Variants in MRPS27 observed in about 807,000 individuals in gnomAD.
The protein encoded by MRPS27 is mitochondrial ribosomal protein S27.
Under a neutral mutation model 48.9 loss-of-function variants are expected in MRPS27, and 43 were observed. The ratio of observed to expected loss-of-function variants is 0.88; its 90% CI spans 0.69 to 1.13. MRPS27 has a LOEUF of 1.13. MRPS27 is among the 50% of genes most tolerant of loss of function. MRPS27 has a pLI of 0.00. For missense variants in MRPS27, 467 were observed against 476.3 expected, an observed-to-expected ratio of 0.98 and a Z score of 0.18; for synonymous variants, 188 against 171.9, an observed-to-expected ratio of 1.09 and a Z score of -0.73.
At chr5:72,303,134 A>C (rs897079884) in intron 2 of MRPS27, among the ~76,000 whole-genome samples, 4 of 152,258 alleles carry the variant, frequency 2.6e-5, no homozygotes, top group African/African-American at 9.6e-5. Flanking sequence ...CAGAAGCGGA[A>C]GGAGAAAAGG....
At chr5:72,281,763 A>T in intron 4 of MRPS27, among the ~76,000 whole-genome samples, 1 of 152,238 alleles carries the variant, frequency 6.6e-6, no homozygotes, top group East Asian at 1.9e-4. Context: ...GGAGGACTAT[A>T]CTAATCTATA....
chr5:72,251,146 A>G (rs570664424), intron 4 of MRPS27, among the ~76,000 whole-genome samples: 1 of 152,336 alleles, frequency 6.6e-6, no homozygotes, highest in East Asian at 1.9e-4. Context: ...ACGGCAGGTG[A>G]CTTGCAGAGC....
intron 4 of MRPS27, among the ~76,000 whole-genome samples, chr5:72,241,253 A>G (rs1321389051): frequency 2.0e-5 from 3 of 152,176 alleles, no homozygotes; most frequent in Non-Finnish European, 2.9e-5. Flanking sequence ...TCGGCTTCCT[A>G]AAGAGCTGGG....
Position 72,277,856 on chromosome 5 carries a change from G to A in MRPS27, c.281+17675C>T, listed in dbSNP as rs114595632. Among the ~76,000 whole-genome samples the A allele has an allele frequency of 3.7e-3, 569 of 152,160 alleles. 1 individual carries two copies. The highest frequency in any genetic ancestry group is 0.013 in the African/African-American group (552 of 41,528). On this transcript the variant is annotated intron_variant, in intron 4 of 10. Transcript: ENST00000261413. ...ACCCAGGAACAGAAAATCAAACACC[G>A]CATGCTCTCATAAGTGGGAGCTGAA...
At chr5:72,222,653 C>T (rs1161978862) in intron 10 of MRPS27, 3 of 152,048 alleles carry the variant, frequency 2.0e-5, no homozygotes, top group Admixed American at 2.0e-4. Flanking sequence ...TTTCTTTAGC[C>T]TTTGTAAATA....
At chr5:72,301,614 T>C (rs1750128589) in intron 2 of MRPS27, among the ~76,000 whole-genome samples, 1 of 152,228 alleles carries the variant, frequency 6.6e-6, no homozygotes, top group African/African-American at 2.4e-5. Flanking sequence ...ATCACCTCTG[T>C]AGTGTGGTAA....
intron 8 of MRPS27, 76 bp from the exon 9 acceptor site, chr5:72,226,275 C>A: frequency 6.4e-7 from 1 of 1,550,790 alleles, no homozygotes; most frequent in Non-Finnish European, 8.9e-7. Flanking sequence ...CCTGAAGGCC[C>A]AAGTGAATGT....
rs547666613 is a variant in MRPS27, at chr5:72,223,631, G to A, written c.1005+52C>T. On this transcript the variant is annotated intron_variant, in intron 10 of 10. Coordinates refer to ENST00000261413, the MANE Select transcript of MRPS27 (RefSeq NM_015084.3). ...AGAATGCTTATCCATCACCACAGGA[G>A]AGAAGTGTGTTTTATGCGCTGCTAA... The A allele has an allele frequency of 9.8e-5, 156 of 1,595,956 alleles. 3 individuals carry two copies. In the South Asian group the frequency reaches 1.6e-3, roughly 17 times the overall value.
intron 2 of MRPS27, among the ~76,000 whole-genome samples, chr5:72,313,079 C>A (rs894773335): frequency 1.3e-5 from 2 of 152,138 alleles, no homozygotes; most frequent in Non-Finnish European, 2.9e-5. Context: ...GGAGAAGCTG[C>A]GATTACTTAT....
rs1749956532 is a variant in MRPS27, at chr5:72,295,583, CTAT to C, written c.226_228del (p.Ile76del). The C allele has an allele frequency of 1.9e-6, 3 of 1,609,124 alleles. No individual in the cohort carries two copies. The highest frequency in any genetic ancestry group is 2.6e-6 in the Non-Finnish European group (3 of 1,175,964). On this transcript the variant is annotated inframe_deletion, in exon 4 of 11. Coordinates refer to ENST00000261413, the MANE Select transcript of MRPS27 (RefSeq NM_015084.3). ...ATCTCTTCCCGAGAGGAAATGTTGT[CTAT>C]AAGCTAAAAGACAGAAAAAGAAACC... is the stretch of plus-strand genomic sequence containing the variant.
intron 4 of MRPS27, among the ~76,000 whole-genome samples, chr5:72,290,474 A>G (rs1473002221): frequency 6.6e-6 from 1 of 152,166 alleles, no homozygotes; most frequent in African/African-American, 2.4e-5. Context: ...ACAGCACTGC[A>G]TTGTTTTTAT....
At chr5:72,273,471 A>G (rs1289574461) in intron 4 of MRPS27, among the ~76,000 whole-genome samples, 4 of 152,214 alleles carry the variant, frequency 2.6e-5, no homozygotes, top group Admixed American at 1.3e-4. Flanking sequence ...AACATCACAG[A>G]GTTTACTTAC....
rs1172071637 is a variant in MRPS27 at position 72,232,466 on chromosome 5, G to A, written c.568C>T (p.Leu190=). The change falls in exon 7 of 11, where the codon CTG becomes TTG. Residue 190 remains leucine (L), a synonymous_variant. Transcript: ENST00000261413. ...ACACTGAAGTCTGTCTTCTTTGCCA[G>A]GCAATGAAATAAAACATAGAGGGAG... ...LLSLYVLFHC[L]AKKTDFSWEE... is the part of the protein sequence containing the mutation. 1 of 1,611,874 alleles carries A rather than the reference G, an allele frequency of 6.2e-7. No individual in the cohort carries two copies. Among genetic ancestry groups the A allele is most frequent in the Non-Finnish European group, 8.5e-7 (1 of 1,178,636 alleles).
intron 7 of MRPS27, among the ~76,000 whole-genome samples, chr5:72,232,151 T>A (rs1042168293): frequency 6.6e-6 from 1 of 152,176 alleles, no homozygotes; most frequent in Non-Finnish European, 1.5e-5. Context: ...CTCTTTGACA[T>A]GCCATGTCCA....
At chr5:72,226,898 G>A (rs1747915549) in intron 8 of MRPS27, among the ~76,000 whole-genome samples, 1 of 152,134 alleles carries the variant, frequency 6.6e-6, no homozygotes, top group Non-Finnish European at 1.5e-5. Flanking sequence ...TATTCCTGTG[G>A]CACAGAACCT....
At chr5:72,255,834 C>G (rs184675889) in intron 4 of MRPS27, among the ~76,000 whole-genome samples, 1 of 152,234 alleles carries the variant, frequency 6.6e-6, no homozygotes, top group African/African-American at 2.4e-5. Context: ...TCCTGCCTGA[C>G]GCTAAAATAG....
At chr5:72,229,586 G>A (rs1580054176) in intron 7 of MRPS27, 1 of 152,332 alleles carries the variant, frequency 6.6e-6, no homozygotes, top group East Asian at 1.9e-4. Flanking sequence ...TTTTCCCCCT[G>A]TAGGGAAAAA....
At chr5:72,271,093 G>A (rs1749229200) in intron 4 of MRPS27, among the ~76,000 whole-genome samples, 1 of 152,162 alleles carries the variant, frequency 6.6e-6, no homozygotes, top group Non-Finnish European at 1.5e-5. Context: ...AGACATGTCT[G>A]CTCCCACTAC....
chr5:72,233,423 A>G (rs1748112944), intron 6 of MRPS27, among the ~76,000 whole-genome samples: 1 of 152,142 alleles, frequency 6.6e-6, no homozygotes, highest in Admixed American at 6.6e-5. Flanking sequence ...AATGGCTTAA[A>G]ATATAGTGCC....
Sources: gnomAD v4.1 joint callset for allele counts (sites outside exome capture counted in the v4.1 genomes callset) on GRCh38, gnomAD v4.1.1 for gene constraint, MANE v1.5 for transcripts, NCBI Gene and HGNC (gene_info 2026-07-23, HGNC 2026-07-21) for gene names.